PEX5: variants seen among roughly 807,000 people sequenced by gnomAD.
PEX5 encodes PTS1 receptor.
A neutral mutation model predicts 82.9 loss-of-function variants in PEX5; 52 were observed. That is an observed-to-expected ratio of 0.63 (90% CI 0.50 to 0.79). PEX5 has a LOEUF of 0.79. Among genes scored for constraint, PEX5 ranks in the 30% least tolerant of loss-of-function variants. The probability of loss-of-function intolerance (pLI) is 0.00; values close to 1 mark genes in which losing one functional copy is unlikely to be tolerated. For missense variants in PEX5, 719 were observed against 815.2 expected, an observed-to-expected ratio of 0.88 and a Z score of 1.44; for synonymous variants, 300 against 318.8, an observed-to-expected ratio of 0.94 and a Z score of 0.63.
chr12:7,190,753 G>C (rs1940926055), intron 2 of PEX5, 135 bp from the exon 3 acceptor site: 2 of 1,308,132 alleles, frequency 1.5e-6, no homozygotes, highest in Non-Finnish European at 1.1e-6. Context: ...ATAAACACTA[G>C]AAAACCCTGT....
chr12:7,197,053 A>ATATATGTCACATATAATGTAAT (rs1942547364), intron 5 of PEX5, among the ~76,000 whole-genome samples: 1 of 41,576 alleles, frequency 2.4e-5, no homozygotes, highest in African/African-American at 7.1e-5. Context: ...TAATGTAATT[A>ATATATGTCACATATAATGTAAT]TATATGTCAC....
chr12:7,206,259 A>G (rs1276612208), intron 10 of PEX5, among the ~76,000 whole-genome samples: 1 of 152,224 alleles, frequency 6.6e-6, no homozygotes, highest in Non-Finnish European at 1.5e-5. Flanking sequence ...GAGAAAATCA[A>G]AAGAGTAATA....
At chr12:7,201,240 TAA>T (rs1442466225) in intron 6 of PEX5, among the ~76,000 whole-genome samples, 15 of 152,230 alleles carry the variant, frequency 9.9e-5, no homozygotes, top group African/African-American at 2.9e-4. Context: ...TATACATATG[TAA>T]ACATGTAGAT....
At chr12:7,195,842 A>G (rs924598152) in intron 5 of PEX5, among the ~76,000 whole-genome samples, 2 of 151,072 alleles carry the variant, frequency 1.3e-5, no homozygotes, top group Non-Finnish European at 3.0e-5. Context: ...CTCTTTGAGT[A>G]TTAAGCATCT....
At chr12:7,217,040 G>T (rs1339951520) in intron 17 of PEX5, among the ~76,000 whole-genome samples, 1 of 152,006 alleles carries the variant, frequency 6.6e-6, no homozygotes, top group African/African-American at 2.4e-5. Flanking sequence ...GTAATCCAGT[G>T]TTTCATTTGA....
At chr12:7,190,062 C>T (rs1940688794) in intron 1 of PEX5, 1 of 1,500,304 alleles carries the variant, frequency 6.7e-7, no homozygotes, top group Non-Finnish European at 8.8e-7. Flanking sequence ...CCCCGTGGTC[C>T]CCCGGGGTCC....
downstream of PEX5, among the ~76,000 whole-genome samples, chr12:7,213,629 G>A (rs1034979682): frequency 2.3e-4 from 34 of 149,550 alleles, no homozygotes; most frequent in African/African-American, 4.9e-4. Context: ...AACCCTAGAA[G>A]AAAACCTAGG....
At position 7,197,571 on chromosome 12, in the gene PEX5, A is replaced by G. The variant is rs767347066; in HGVS notation, c.449-1440A>G. On this transcript the variant is annotated intron_variant, in intron 5 of 15. Coordinates refer to ENST00000675855, the MANE Select transcript of PEX5 (RefSeq NM_001351132.2). The stretch of plus-strand genomic sequence containing the variant: ...TGTTATATATAATATAATAAGTAGT[A>G]ATTACTTATTATTTATAATTAGGTG... Among the ~76,000 whole-genome samples, 4 of 135,912 alleles carry G rather than the reference A, an allele frequency of 2.9e-5. 1 individual carries two copies. Among genetic ancestry groups the G allele is most frequent in the Admixed American group, 1.5e-4 (2 of 13,396 alleles). 89.2% of individuals were successfully genotyped at this position (135,912 alleles called of 152,430 possible). A position where few individuals can be genotyped will look rare whatever the true frequency, so the allele number is the denominator to read the frequency against.
intron 10 of PEX5, among the ~76,000 whole-genome samples, chr12:7,206,615 A>T (rs1591785299): frequency 6.6e-6 from 1 of 152,124 alleles, no homozygotes; most frequent in East Asian, 1.9e-4. Context: ...CCCCATTGTA[A>T]TTATTTAATT....
intron 5 of PEX5, among the ~76,000 whole-genome samples, chr12:7,193,234 C>CTT (rs11339507): frequency 0.016 from 1,898 of 121,082 alleles, 51 homozygotes; most frequent in African/African-American, 0.05. Flanking sequence ...TCTTGAGATT[C>CTT]TTTTTTTTTT....
intron 5 of PEX5, among the ~76,000 whole-genome samples, chr12:7,197,060 TCACATATAATGTAATTATATATGTCA>T (rs1942550560): frequency 2.1e-5 from 1 of 46,686 alleles, no homozygotes; most frequent in African/African-American, 5.7e-5. Flanking sequence ...ATTATATATG[TCACATATAATGTAATTATATATGTCA>T]CATATAATGT....
chr12:7,217,197 GT>G (rs1033600114), intron 17 of PEX5, among the ~76,000 whole-genome samples: 2 of 152,220 alleles, frequency 1.3e-5, no homozygotes, highest in African/African-American at 4.8e-5. Context: ...AAGTAGGAAA[GT>G]TTTTCGTAAA....
downstream of PEX5, among the ~76,000 whole-genome samples, chr12:7,215,468 T>G (rs768944007): frequency 8.6e-4 from 131 of 152,326 alleles, no homozygotes; most frequent in African/African-American, 3.0e-3. Flanking sequence ...GTATTCATGA[T>G]AGCAACGACG....
rs1243020466 is a variant in PEX5, at chr12:7,209,902, C to T, written c.1718+62C>T. 6.8e-6 allele frequency: 11 copies of T among 1,606,040 alleles called. No individual in the cohort carries two copies. The South Asian group carries it at 8.8e-5, about 13-fold the overall frequency. On this transcript the variant is annotated intron_variant, in intron 15 of 15. Transcript: ENST00000675855. ...TTTCTCCCTGCCTTTGGCCCTAGCTCCTTATTCTTAGATCCTGTTTGACTA... is the reference window on the plus strand; with the variant it reads ...TTTCTCCCTGCCTTTGGCCCTAGCTTCTTATTCTTAGATCCTGTTTGACTA...
chr12:7,207,851 C>T, intron 11 of PEX5, 49 bp downstream of exon 11: 2 of 1,604,780 alleles, frequency 1.2e-6, no homozygotes, highest in Non-Finnish European at 1.7e-6. Flanking sequence ...CTTCCTCCAT[C>T]TTGAGAAAGG....
At chr12:7,190,032 C>T in intron 1 of PEX5, 2 of 1,503,584 alleles carry the variant, frequency 1.3e-6, no homozygotes, top group Non-Finnish European at 1.8e-6. Context: ...TGTCGCCGTC[C>T]AGCCTGGTTG....
At chr12:7,208,941 A>G in intron 13 of PEX5, 64 bp from the exon 14 acceptor site, 1 of 1,410,392 alleles carries the variant, frequency 7.1e-7, no homozygotes, top group South Asian at 1.2e-5. Context: ...GAAGAAATTA[A>G]TTTGGGGGGA....
chr12:7,199,164 T>G (rs1229682805), intron 6 of PEX5, 51 bp downstream of exon 6: 1 of 993,648 alleles, frequency 1.0e-6, no homozygotes, highest in Non-Finnish European at 1.6e-6. Flanking sequence ...ATGGACAGTT[T>G]TCCCAGCCTC....
chr12:7,206,063 G>C (rs1354157840), intron 10 of PEX5, among the ~76,000 whole-genome samples: 1 of 152,200 alleles, frequency 6.6e-6, no homozygotes, highest in Non-Finnish European at 1.5e-5. Context: ...AGTAATCTCT[G>C]TTTTCTGTAG....
Sources: allele counts gnomAD v4.1 joint callset (sites outside exome capture counted in the v4.1 genomes callset), GRCh38; gene constraint gnomAD v4.1.1; transcripts MANE v1.5; gene names NCBI Gene and HGNC (gene_info 2026-07-23, HGNC 2026-07-21).